Variants in DMGDH observed in about 807,000 individuals in gnomAD.
DMGDH encodes dimethylglycine dehydrogenase, mitochondrial.
A neutral mutation model predicts 95.2 loss-of-function variants in DMGDH; 76 were observed. The observed-to-expected ratio is 0.80, with a 90% confidence interval of 0.66 to 0.97. The LOEUF is 0.97. Among genes scored for constraint, DMGDH ranks in the 50% least tolerant of loss-of-function variants. The pLI, the probability that DMGDH is intolerant of heterozygous loss-of-function variation, is 0.00. For synonymous variants in DMGDH, 345 were observed against 377.6 expected, an observed-to-expected ratio of 0.91 and a Z score of 1.00; for missense variants, 987 against 1,055.0, an observed-to-expected ratio of 0.94 and a Z score of 0.89.
At position 79,030,051 on chromosome 5, in the gene DMGDH, A is replaced by G. The variant is rs1469836944; in HGVS notation, c.1684-17T>C. The G allele has an allele frequency of 6.2e-7, 1 of 1,608,156 alleles. No homozygotes were observed. The highest frequency in any genetic ancestry group is 8.5e-7 in the Non-Finnish European group (1 of 1,176,890). On this transcript the variant is annotated splice_polypyrimidine_tract_variant and intron_variant, in intron 10 of 15. Coordinates refer to ENST00000255189, the MANE Select transcript of DMGDH (RefSeq NM_013391.3). Reference sequence around the variant, plus strand: ...AAAACCCACCTACATAAAAAAATTAAAAATTACCTTAGGATGAACTAAAAA... The same window carrying G: ...AAAACCCACCTACATAAAAAAATTAGAAATTACCTTAGGATGAACTAAAAA...
intron 3 of DMGDH, among the ~76,000 whole-genome samples, chr5:79,054,636 C>A (rs2112663492): frequency 6.6e-6 from 1 of 152,212 alleles, no homozygotes; most frequent in South Asian, 2.1e-4. Flanking sequence ...CAGTTGAAGA[C>A]AGACAGCTAA....
intron 15 of DMGDH, among the ~76,000 whole-genome samples, chr5:79,003,692 G>A (rs563948245): frequency 6.6e-6 from 1 of 152,316 alleles, no homozygotes; most frequent in East Asian, 1.9e-4. Flanking sequence ...GCTTATTCCT[G>A]TAATCCCAGC....
Position 79,020,775 on chromosome 5 carries a change from G to A in DMGDH, c.2250+3496C>T, listed in dbSNP as rs572536143. On this transcript the variant is annotated intron_variant, in intron 14 of 15. Transcript: ENST00000255189. ...AGGGAAAGAGAGGGAGAAGGAGAGA[G>A]TGAGAAAAAGAGGGAGAAACATATT... 3.6e-5 allele frequency: 35 copies of A among 984,642 alleles called. No individual in the cohort carries two copies. In the East Asian group the frequency reaches 3.6e-3, roughly 102 times the overall value. 61.0% of individuals were successfully genotyped at this position (984,642 alleles called of 1,614,324 possible).
At chr5:79,033,208 C>T in intron 8 of DMGDH, 31 bp downstream of exon 8, 1 of 1,612,370 alleles carries the variant, frequency 6.2e-7, no homozygotes, top group Non-Finnish European at 8.5e-7. Flanking sequence ...TCCGTCAACA[C>T]TTTGTAGACA....
At chr5:79,068,278 T>C (rs1034901228) in intron 1 of DMGDH, among the ~76,000 whole-genome samples, 3 of 151,084 alleles carry the variant, frequency 2.0e-5, no homozygotes, top group African/African-American at 7.4e-5. Context: ...TCAGTTTGTT[T>C]GTTAAATTTC....
chr5:79,020,902 T>C (rs1481746687), intron 14 of DMGDH: 2 of 985,312 alleles, frequency 2.0e-6, no homozygotes, highest in East Asian at 2.3e-4. Context: ...AAAAATTCAA[T>C]ATTTCCACCA....
intron 14 of DMGDH, chr5:79,020,975 T>G: frequency 2.0e-6 from 2 of 985,450 alleles, no homozygotes; most frequent in Non-Finnish European, 2.4e-6. Flanking sequence ...TTGCTCTTGA[T>G]TAATGCATTT....
intron 14 of DMGDH, among the ~76,000 whole-genome samples, chr5:79,018,044 A>G (rs1172244178): frequency 6.6e-6 from 1 of 152,212 alleles, no homozygotes; most frequent in Non-Finnish European, 1.5e-5. Context: ...CTGCTATAAA[A>G]GGGAATTATT....
At chr5:79,015,028 T>C (rs965503244) in intron 14 of DMGDH, among the ~76,000 whole-genome samples, 4 of 152,100 alleles carry the variant, frequency 2.6e-5, no homozygotes, top group African/African-American at 7.2e-5. Context: ...TGACCACCTA[T>C]ATCTGAAGGG....
chr5:79,021,312 G>C lies in DMGDH; in HGVS notation c.2250+2959C>G, dbSNP rs1462522437. The C allele has an allele frequency of 3.7e-6, 4 of 1,085,816 alleles. No homozygotes were observed. In the Admixed American group the frequency reaches 1.7e-4, roughly 47 times the overall value. 67.3% of individuals were successfully genotyped at this position (1,085,816 alleles called of 1,614,324 possible). ...GTTCCTGAAATATTATTTGTTTCCA[G>C]GTTCATGAGATCTGAGAGCCATCAG... On this transcript the variant is annotated intron_variant, in intron 14 of 15. Coordinates refer to ENST00000255189, the MANE Select transcript of DMGDH (RefSeq NM_013391.3).
chr5:79,030,030 C>G lies in DMGDH; in HGVS notation c.1688G>C (p.Gly563Ala). 1 of 1,612,206 alleles carries G rather than the reference C, an allele frequency of 6.2e-7. No individual in the cohort carries two copies. The highest frequency in any genetic ancestry group is 8.5e-7 in the Non-Finnish European group (1 of 1,179,418). ...HLFANVIPKV[G>A]FTNISHMLTP... ...TAACATGTGACTTATATTTGTAAAACCCACCTACATAAAAAAATTAAAAAT... is the reference window on the plus strand; with the variant it reads ...TAACATGTGACTTATATTTGTAAAAGCCACCTACATAAAAAAATTAAAAAT... Residue 563 changes from glycine to alanine, a missense_variant, in exon 11 of 16, where the codon GGT (glycine) becomes GCT (alanine). Gly to Ala is a moderately conservative substitution (Grantham distance 60, BLOSUM62 0). Coordinates refer to ENST00000255189, the MANE Select transcript of DMGDH (RefSeq NM_013391.3).
chr5:79,012,400 T>G (rs932472298), intron 14 of DMGDH, among the ~76,000 whole-genome samples: 2 of 152,200 alleles, frequency 1.3e-5, no homozygotes, highest in Admixed American at 1.3e-4. Flanking sequence ...GGGCTGGTGT[T>G]GAATGCCTGC....
intron 7 of DMGDH, among the ~76,000 whole-genome samples, chr5:79,041,838 A>G (rs1305569668): frequency 6.6e-6 from 1 of 152,100 alleles, no homozygotes; most frequent in African/African-American, 2.4e-5. Context: ...CTACTAAAAA[A>G]AAATTACAAA....
intron 14 of DMGDH, among the ~76,000 whole-genome samples, chr5:79,012,954 T>G (rs1282961949): frequency 6.6e-6 from 1 of 152,232 alleles, no homozygotes; most frequent in Admixed American, 6.5e-5. Flanking sequence ...TTTTCCCCAG[T>G]GTTTTGGTTA....
rs772127639 is a variant in DMGDH, at chr5:79,044,255, A to G, written c.994+49T>C. ...CAGCCATCCTCCAGCCATGGAGAGG[A>G]TGAACCATTCATGTCTGACTAGCAC... On this transcript the variant is annotated intron_variant, in intron 6 of 15. Transcript: ENST00000255189. The G allele has an allele frequency of 1.1e-5, 18 of 1,613,526 alleles. No homozygotes were observed. The Admixed American group carries it at 2.8e-4, about 25-fold the overall frequency.
At chr5:79,009,291 CA>C (rs1479047261) in intron 14 of DMGDH, among the ~76,000 whole-genome samples, 3 of 114,908 alleles carry the variant, frequency 2.6e-5, no homozygotes, top group African/African-American at 8.1e-5. Context: ...CATATTCTAA[CA>C]AAAACAACAG....
chr5:79,042,172 C>T, intron 7 of DMGDH, 111 bp downstream of exon 7: 2 of 911,626 alleles, frequency 2.2e-6, no homozygotes, highest in Non-Finnish European at 3.4e-6. Flanking sequence ...GTTTCTCTTT[C>T]TCTCTCTCTC....
At chr5:79,065,339 G>A (rs1013437483) in intron 1 of DMGDH, among the ~76,000 whole-genome samples, 1 of 151,208 alleles carries the variant, frequency 6.6e-6, no homozygotes, top group Non-Finnish European at 1.5e-5. Context: ...AGCCTCCCGA[G>A]TAGCTGGGAT....
chr5:78,998,629 C>G (rs1753399966), intron 15 of DMGDH, among the ~76,000 whole-genome samples: 1 of 152,158 alleles, frequency 6.6e-6, no homozygotes, highest in South Asian at 2.1e-4. Flanking sequence ...GCAGGCGGAT[C>G]ATTTGAGGTC....
Sources: allele counts gnomAD v4.1 joint callset (sites outside exome capture counted in the v4.1 genomes callset), GRCh38; gene constraint gnomAD v4.1.1; transcripts MANE v1.5; gene names NCBI Gene and HGNC (gene_info 2026-07-23, HGNC 2026-07-21).